Variants in IMMP2L observed in about 807,000 individuals in gnomAD.
IMMP2L encodes the protein mitochondrial inner membrane protease subunit 2.
Under a neutral mutation model 19.3 loss-of-function variants are expected in IMMP2L, and 18 were observed. The ratio of observed to expected loss-of-function variants is 0.93; its 90% CI spans 0.64 to 1.38. The LOEUF is 1.38. Among genes scored for constraint, IMMP2L ranks in the 40% most tolerant of loss-of-function variants. IMMP2L has a pLI of 0.00. For missense variants in IMMP2L, 233 were observed against 218.2 expected (o/e 1.07, Z -0.43); for synonymous variants, 76 against 73.0 (o/e 1.04, Z -0.21).
intron 3 of IMMP2L, among the ~76,000 whole-genome samples, chr7:111,186,401 T>A (rs1808265604): frequency 6.6e-6 from 1 of 152,118 alleles, no homozygotes; most frequent in South Asian, 2.1e-4. Context: ...TCAATTTTTT[T>A]AAGCATCTAG....
intron 3 of IMMP2L, among the ~76,000 whole-genome samples, chr7:111,164,672 T>A (rs951600973): frequency 6.6e-6 from 1 of 152,002 alleles, no homozygotes; most frequent in Non-Finnish European, 1.5e-5. Context: ...TACTATCAGA[T>A]GAGTCAGAAA....
At chr7:110,866,184 T>C (rs1184938713) in intron 5 of IMMP2L, among the ~76,000 whole-genome samples, 4 of 152,000 alleles carry the variant, frequency 2.6e-5, no homozygotes, top group Non-Finnish European at 5.9e-5. Context: ...TCTTTGCTGT[T>C]ACTCTACTTT....
intron 5 of IMMP2L, among the ~76,000 whole-genome samples, chr7:110,722,932 T>G (rs529968602): frequency 6.6e-6 from 1 of 151,950 alleles, no homozygotes; most frequent in Non-Finnish European, 1.5e-5. Flanking sequence ...GGATCTGGAG[T>G]TGGTTACAAT....
intron 5 of IMMP2L, among the ~76,000 whole-genome samples, chr7:110,706,276 T>C (rs1794673522): frequency 6.6e-6 from 1 of 152,000 alleles, no homozygotes; most frequent in African/African-American, 2.4e-5. Context: ...CTAATTTCCT[T>C]ATTATGTTGT....
intron 3 of IMMP2L, among the ~76,000 whole-genome samples, chr7:110,996,686 T>G (rs1823069567): frequency 6.6e-6 from 1 of 152,064 alleles, no homozygotes; most frequent in East Asian, 1.9e-4. Flanking sequence ...TTTCTTATTT[T>G]TTTTCAACTT....
chr7:110,906,406 C>G (rs1812453200), intron 4 of IMMP2L, among the ~76,000 whole-genome samples: 1 of 152,164 alleles, frequency 6.6e-6, no homozygotes, highest in African/African-American at 2.4e-5. Flanking sequence ...ATTAGTCAAG[C>G]TGGTCTAGGT....
chr7:111,332,046 A>C (rs1253218746), intron 3 of IMMP2L, among the ~76,000 whole-genome samples: 1 of 151,974 alleles, frequency 6.6e-6, no homozygotes, highest in Non-Finnish European at 1.5e-5. Context: ...CAAAGTAGAA[A>C]TAATGCCACA....
intron 3 of IMMP2L, among the ~76,000 whole-genome samples, chr7:111,325,614 G>A (rs985842124): frequency 2.0e-5 from 3 of 150,932 alleles, no homozygotes; most frequent in African/African-American, 4.9e-5. Context: ...TTCTGTAATC[G>A]AGCCCTTCAT....
chr7:110,721,231 C>T (rs141857680), intron 5 of IMMP2L, among the ~76,000 whole-genome samples: 1 of 152,094 alleles, frequency 6.6e-6, no homozygotes, highest in African/African-American at 2.4e-5. Context: ...ATGTGTAAGA[C>T]TCTGGGAAAC....
intron 3 of IMMP2L, among the ~76,000 whole-genome samples, chr7:111,367,095 C>G (rs1019665236): frequency 5.3e-5 from 8 of 151,034 alleles, no homozygotes; most frequent in Non-Finnish European, 1.0e-4. Flanking sequence ...GAGGAACGCA[C>G]AGAAGAATAT....
At chr7:110,847,622 G>A (rs548184464) in intron 5 of IMMP2L, among the ~76,000 whole-genome samples, 69 of 152,196 alleles carry the variant, frequency 4.5e-4, no homozygotes, top group Admixed American at 7.9e-4. Flanking sequence ...CAATATTGAA[G>A]GAGAAGAAGA....
At chr7:111,126,754 C>A (rs992356576) in intron 3 of IMMP2L, among the ~76,000 whole-genome samples, 1 of 152,070 alleles carries the variant, frequency 6.6e-6, no homozygotes, top group African/African-American at 2.4e-5. Flanking sequence ...TTGTACAAAG[C>A]AAACATTCTG....
chr7:111,225,626 C>T (rs1345491375), intron 3 of IMMP2L, among the ~76,000 whole-genome samples: 2 of 136,470 alleles, frequency 1.5e-5, no homozygotes, highest in Non-Finnish European at 3.1e-5. Flanking sequence ...AAGAATGTCA[C>T]AATTATCCAT....
chr7:111,315,809 A>G (rs959103871), intron 3 of IMMP2L, among the ~76,000 whole-genome samples: 1 of 152,090 alleles, frequency 6.6e-6, no homozygotes, highest in Admixed American at 6.6e-5. Flanking sequence ...GGAATGTAAA[A>G]AAAAACTTAC....
In IMMP2L at chr7:110,930,984, C is replaced by T. The variant is rs1054603097; in HGVS notation, c.305+32516G>A. ...TTATGTGATCTTAAAATACCCCATT[C>T]GGGCCAGAAAATGTACCTAAAATCT... On this transcript the variant is annotated intron_variant, in intron 4 of 5. Transcript: ENST00000405709. Among the ~76,000 whole-genome samples, 6 of 152,248 alleles carry T rather than the reference C, an allele frequency of 3.9e-5. No homozygotes were observed. In the South Asian group the frequency reaches 6.2e-4, roughly 16 times the overall value.
chr7:111,142,758 C>A (rs1332146403), intron 3 of IMMP2L, among the ~76,000 whole-genome samples: 3 of 152,140 alleles, frequency 2.0e-5, no homozygotes, highest in Non-Finnish European at 4.4e-5. Context: ...AAGCCCTTCT[C>A]CCTCAATGGC....
Position 111,485,597 on chromosome 7 carries a change from C to CAAAAAAAAAAAAAAAAAAAAAAAAAAAAA in IMMP2L, c.239+1640_239+1641insTTTTTTTTTTTTTTTTTTTTTTTTTTTTT. On this transcript the variant is annotated intron_variant, in intron 3 of 5. Coordinates refer to ENST00000405709, the MANE Select transcript of IMMP2L (RefSeq NM_032549.4). Reference sequence around the variant, plus strand: ...TGCGCAACAGAGCGAGACTCTGTTTCAAAAAAAAAAAAAAAAAAAAAAAAA... The same window carrying CAAAAAAAAAAAAAAAAAAAAAAAAAAAAA: ...TGCGCAACAGAGCGAGACTCTGTTTCAAAAAAAAAAAAAAAAAAAAAAAAAAAAAAAAAAAAAAAAAAAAAAAAAAAAAA... Among the ~76,000 whole-genome samples, 2 of 50,596 alleles carry CAAAAAAAAAAAAAAAAAAAAAAAAAAAAA rather than the reference C, an allele frequency of 4.0e-5. 1 individual carries two copies. Among genetic ancestry groups the CAAAAAAAAAAAAAAAAAAAAAAAAAAAAA allele is most frequent in the Non-Finnish European group, 6.5e-5 (2 of 30,598 alleles). The allele number at this position is 50,596 out of a possible 152,430, so 33.2% of individuals were successfully genotyped here. A position where few individuals can be genotyped will look rare whatever the true frequency, so the allele number is the denominator to read the frequency against.
chr7:111,362,413 A>G (rs1829347675), intron 3 of IMMP2L, among the ~76,000 whole-genome samples: 1 of 151,966 alleles, frequency 6.6e-6, no homozygotes, highest in South Asian at 2.1e-4. Context: ...TTCTTTTTTA[A>G]AATAGTTTAT....
At chr7:111,176,152 T>C (rs182978831) in intron 3 of IMMP2L, among the ~76,000 whole-genome samples, 6 of 152,064 alleles carry the variant, frequency 3.9e-5, no homozygotes, top group African/African-American at 1.4e-4. Context: ...AAGGAAACCC[T>C]TGTGCACTGC....
Sources: allele counts gnomAD v4.1 joint callset (sites outside exome capture counted in the v4.1 genomes callset), GRCh38; gene constraint gnomAD v4.1.1; transcripts MANE v1.5; gene names NCBI Gene and HGNC (gene_info 2026-07-23, HGNC 2026-07-21).